The following PRKD3 variants were observed in gnomAD, a reference collection of about 807,000 sequenced individuals.
The protein encoded by PRKD3 is serine/threonine-protein kinase D3.
PRKD3 carries 47 observed loss-of-function variants against 99.2 expected under a neutral mutation model. The observed-to-expected ratio is 0.47, with a 90% CI of 0.38 to 0.60. PRKD3 has a LOEUF of 0.60. PRKD3 is among the 20% of genes least tolerant of loss of function. The pLI, the probability that PRKD3 is intolerant of heterozygous loss-of-function variation, is 0.00. For synonymous variants in PRKD3, 392 were observed against 355.4 expected (o/e 1.10, Z -1.16); for missense variants, 1,019 against 1,088.4 (o/e 0.94, Z 0.90).
chr2:37,265,678 A>G (rs532538086), intron 14 of PRKD3, among the ~76,000 whole-genome samples: 1 of 152,332 alleles, frequency 6.6e-6, no homozygotes, highest in East Asian at 1.9e-4. Flanking sequence ...AAAAGTATAA[A>G]TATCTGACAT....
chr2:37,323,810 T>C (rs764842151), intron 1 of PRKD3, among the ~76,000 whole-genome samples: 1 of 152,228 alleles, frequency 6.6e-6, no homozygotes, highest in Non-Finnish European at 1.5e-5. Context: ...GTGTAACTTA[T>C]CCTTCCTAAT....
chr2:37,287,262 A>AAAAAAGAAAAAG (rs1350375679), intron 5 of PRKD3, among the ~76,000 whole-genome samples: 6,618 of 79,586 alleles, frequency 0.083, 307 homozygotes, highest in East Asian at 0.12. Flanking sequence ...AAAAAAAAAA[A>AAAAAAGAAAAAG]AAAAAGAAAA....
In PRKD3 at chr2:37,291,682, G is replaced by T. The variant is rs926811833; in HGVS notation, c.428-683C>A. ...TGGGGTTGTTGTATAGAAGATGAAT[G>T]ATCAGTGTAGCAGGGAGTGAGATGA... On this transcript the variant is annotated intron_variant, in intron 3 of 18. Coordinates refer to ENST00000234179, the MANE Select transcript of PRKD3 (RefSeq NM_005813.6). Among the ~76,000 whole-genome samples, 8 of 152,158 alleles carry T rather than the reference G, an allele frequency of 5.3e-5. 1 individual carries two copies. The highest frequency in any genetic ancestry group is 3.3e-4 in the Admixed American group (5 of 15,278).
chr2:37,295,463 C>G (rs1670634576), intron 2 of PRKD3, among the ~76,000 whole-genome samples: 1 of 152,020 alleles, frequency 6.6e-6, no homozygotes, highest in East Asian at 1.9e-4. Flanking sequence ...TAAGTGGAGC[C>G]TTGAGACTAA....
intron 5 of PRKD3, among the ~76,000 whole-genome samples, chr2:37,286,878 A>T (rs559014866): frequency 7.7e-4 from 117 of 152,324 alleles, no homozygotes; most frequent in Non-Finnish European, 1.5e-3. Flanking sequence ...CTTTAAGAAG[A>T]AGTAAACTTT....
At chr2:37,305,702 C>G (rs1049191503) in intron 2 of PRKD3, among the ~76,000 whole-genome samples, 2 of 152,228 alleles carry the variant, frequency 1.3e-5, no homozygotes, top group South Asian at 4.1e-4. Context: ...ATGCTAAAAT[C>G]AAAAGGCAAG....
At chr2:37,261,838 C>T (rs573320331) in intron 14 of PRKD3, among the ~76,000 whole-genome samples, 11 of 152,296 alleles carry the variant, frequency 7.2e-5, no homozygotes, top group Middle Eastern at 3.4e-3. Flanking sequence ...TACAATTTTT[C>T]AACTGTAGAA....
intron 2 of PRKD3, among the ~76,000 whole-genome samples, chr2:37,303,395 C>T (rs1405961260): frequency 6.6e-6 from 1 of 152,152 alleles, no homozygotes; most frequent in Non-Finnish European, 1.5e-5. Flanking sequence ...AGCCACCCCA[C>T]ACGATGAGGC....
intron 1 of PRKD3, among the ~76,000 whole-genome samples, chr2:37,322,886 A>G (rs1572714039): frequency 6.6e-6 from 1 of 152,160 alleles, no homozygotes; most frequent in African/African-American, 2.4e-5. Flanking sequence ...CTAGCAAAGA[A>G]TTTCCTTATA....
intron 6 of PRKD3, among the ~76,000 whole-genome samples, chr2:37,284,934 C>T (rs1010706719): frequency 6.6e-6 from 1 of 151,834 alleles, no homozygotes; most frequent in Non-Finnish European, 1.5e-5. Flanking sequence ...TAATGCTATC[C>T]CTCCCCCCTC....
rs1435334021 is a variant in PRKD3 at position 37,285,831 on chromosome 2, ACTC to A, written c.910+343_910+345del. On this transcript the variant is annotated intron_variant, in intron 6 of 18. Transcript: ENST00000234179. ...TGAAATATGACTCCTATTACTACTA[ACTC>A]CTATTACTAGTACTCCTATTACTAT... 2.6e-5 allele frequency among the ~76,000 whole-genome samples: 4 copies of A among 152,082 alleles called. No homozygotes were observed. In the South Asian group the frequency reaches 8.3e-4, roughly 32 times the overall value.
Position 37,324,810 on chromosome 2 carries a change from C to T in PRKD3, c.-785G>A, listed in dbSNP as rs1369749948. ...CGGCGCCCCTTCCTCCCTCCCTCCCCGTCCCGTCCTGGGGCCGGAGGGCGG... is the reference window on the plus strand; with the variant it reads ...CGGCGCCCCTTCCTCCCTCCCTCCCTGTCCCGTCCTGGGGCCGGAGGGCGG... On this transcript the variant is annotated 5_prime_UTR_variant, in exon 1 of 19. Transcript: ENST00000234179. 8 of 150,698 alleles carry T rather than the reference C, an allele frequency of 5.3e-5. No individual in the cohort carries two copies. The highest frequency in any genetic ancestry group is 1.2e-4 in the Non-Finnish European group (8 of 67,464). The allele number at this position is 150,698 out of a possible 1,614,324, so 9.3% of individuals were successfully genotyped here.
intron 1 of PRKD3, among the ~76,000 whole-genome samples, chr2:37,320,859 A>G (rs1160550570): frequency 6.6e-6 from 1 of 152,152 alleles, no homozygotes; most frequent in African/African-American, 2.4e-5. Flanking sequence ...ACTATTCATA[A>G]TAAACACTAC....
intron 1 of PRKD3, among the ~76,000 whole-genome samples, chr2:37,322,823 C>T (rs1479319225): frequency 6.6e-6 from 1 of 152,148 alleles, no homozygotes; most frequent in African/African-American, 2.4e-5. Context: ...AAAGTACAAT[C>T]ATCACAGAAG....
At chr2:37,278,276 G>A (rs1669670358) in intron 8 of PRKD3, 1 of 198,076 alleles carries the variant, frequency 5.0e-6, no homozygotes, top group Non-Finnish European at 1.0e-5. Context: ...CTCCCAAACT[G>A]GAATATTTGG....
chr2:37,262,036 A>G (rs1406092658), intron 14 of PRKD3, among the ~76,000 whole-genome samples: 1 of 152,242 alleles, frequency 6.6e-6, no homozygotes, highest in African/African-American at 2.4e-5. Flanking sequence ...GGTAGGCTAC[A>G]CGGGGCTAAG....
At chr2:37,300,993 G>A (rs1039864881) in intron 2 of PRKD3, among the ~76,000 whole-genome samples, 3 of 144,350 alleles carry the variant, frequency 2.1e-5, no homozygotes, top group African/African-American at 7.8e-5. Context: ...ATGAAAAATG[G>A]TATTTTTGTA....
In PRKD3 at chr2:37,316,596, C is replaced by T; in HGVS notation, c.-72G>A. 2.0e-6 allele frequency: 3 copies of T among 1,530,908 alleles called. No individual in the cohort carries two copies. Among genetic ancestry groups the T allele is most frequent in the Non-Finnish European group, 2.6e-6 (3 of 1,144,004 alleles). 94.8% of individuals were successfully genotyped at this position (1,530,908 alleles called of 1,614,324 possible). ...GGTTATGAAGAGGTTTTTAAAATAA[C>T]AGCAGTAAAGAAAATGACCGCACTT... On this transcript the variant is annotated 5_prime_UTR_variant, in exon 2 of 19. Transcript: ENST00000234179.
intron 1 of PRKD3, among the ~76,000 whole-genome samples, chr2:37,321,206 C>T (rs1201676415): frequency 1.3e-5 from 2 of 152,124 alleles, no homozygotes. Flanking sequence ...TAAATAATAT[C>T]ATCTAGTTGG....
Sources: allele counts gnomAD v4.1 joint callset (sites outside exome capture counted in the v4.1 genomes callset), GRCh38; gene constraint gnomAD v4.1.1; transcripts MANE v1.5; gene names NCBI Gene and HGNC (gene_info 2026-07-23, HGNC 2026-07-21).